ELAPOR1: variants seen among roughly 807,000 people sequenced by gnomAD.
The protein encoded by ELAPOR1 is endosome-lysosome associated apoptosis and autophagy regulator 1.
Under a neutral mutation model 119.7 loss-of-function variants are expected in ELAPOR1, and 77 were observed. The observed-to-expected ratio is 0.64, with a 90% CI of 0.54 to 0.78. ELAPOR1 has a LOEUF of 0.78. Ranked by LOEUF, ELAPOR1 falls within the 30% of genes least tolerant of loss-of-function variation. The pLI is 0.00. For synonymous variants in ELAPOR1, 481 were observed against 487.2 expected (o/e 0.99, Z 0.17); for missense variants, 1,115 against 1,270.4 (o/e 0.88, Z 1.86).
At chr1:109,151,684 AG>A (rs1422011653) in intron 1 of ELAPOR1, among the ~76,000 whole-genome samples, 1 of 152,196 alleles carries the variant, frequency 6.6e-6, no homozygotes, top group African/African-American at 2.4e-5. Context: ...CCTAACAGTC[AG>A]GGAACTTTTA....
intron 1 of ELAPOR1, among the ~76,000 whole-genome samples, chr1:109,155,352 G>GT (rs996673051): frequency 9.2e-5 from 14 of 151,838 alleles, no homozygotes; most frequent in Admixed American, 2.6e-4. Context: ...ATTTTTTTCT[G>GT]TTTTTTTAAT....
At chr1:109,115,893 A>C (rs1000673001) in intron 1 of ELAPOR1, among the ~76,000 whole-genome samples, 4 of 152,212 alleles carry the variant, frequency 2.6e-5, no homozygotes, top group African/African-American at 9.6e-5. Context: ...GTATGATCTT[A>C]TCAGTGACTG....
chr1:109,158,649 T>C (rs1651044786), intron 1 of ELAPOR1, among the ~76,000 whole-genome samples: 1 of 152,162 alleles, frequency 6.6e-6, no homozygotes, highest in Non-Finnish European at 1.5e-5. Context: ...GTGTGCGTCA[T>C]AGAATTGTGC....
rs200268470 is a variant in ELAPOR1 at position 109,199,856 on chromosome 1, C to T, written c.2504C>T (p.Thr835Met). Residue 835 changes from threonine (T) to methionine (M), a missense_variant and splice_region_variant, in exon 19 of 22, where the codon ACG (threonine) becomes ATG (methionine). By Grantham distance (81) the Thr-to-Met change is moderately conservative. Transcript: ENST00000369939. ...AGGTCTCTTTTCTGCTTTGCTAGAA[C>T]GTGCTCGGATGGGACCTGTGATGGC... is the stretch of plus-strand genomic sequence containing the variant. ...TVPGSLLLPG[T>M]CSDGTCDGCN... 1.7e-5 allele frequency: 28 copies of T among 1,611,530 alleles called. No individual in the cohort carries two copies. The African/African-American group carries it at 2.3e-4, about 13-fold the overall frequency.
chr1:109,116,324 C>T (rs1051662386), intron 1 of ELAPOR1, among the ~76,000 whole-genome samples: 2 of 152,266 alleles, frequency 1.3e-5, no homozygotes, highest in Admixed American at 6.5e-5. Flanking sequence ...CAAAATAACA[C>T]CTACCTCAGA....
intron 1 of ELAPOR1, among the ~76,000 whole-genome samples, chr1:109,117,013 C>T (rs1648057183): frequency 6.6e-6 from 1 of 151,994 alleles, no homozygotes; most frequent in Non-Finnish European, 1.5e-5. Flanking sequence ...TCTTAATCTT[C>T]ATACGAATTT....
rs149768534 is a variant in ELAPOR1, at chr1:109,136,684, G to T, written c.153+22348G>T. On this transcript the variant is annotated intron_variant, in intron 1 of 21. Transcript: ENST00000369939. ...TTGTGATTTAAAAAAATTAATTGTA[G>T]GTATAATTACTGCTAAATACCCTGA... 9.8e-3 allele frequency among the ~76,000 whole-genome samples: 1,486 copies of T among 152,156 alleles called. 13 individuals carry two copies. The highest frequency in any genetic ancestry group is 0.041 in the South Asian group (196 of 4,810).
At chr1:109,136,420 T>C (rs1649471936) in intron 1 of ELAPOR1, among the ~76,000 whole-genome samples, 1 of 152,220 alleles carries the variant, frequency 6.6e-6, no homozygotes, top group Admixed American at 6.5e-5. Flanking sequence ...AGATTCTCCC[T>C]TGTGGCTTCC....
At chr1:109,119,333 C>T (rs1268398423) in intron 1 of ELAPOR1, among the ~76,000 whole-genome samples, 1 of 151,654 alleles carries the variant, frequency 6.6e-6, no homozygotes, top group Admixed American at 6.6e-5. Flanking sequence ...TACAGGTGTG[C>T]ACCACCATGC....
In ELAPOR1 at chr1:109,189,213, G is replaced by T. The variant is rs773914694; in HGVS notation, c.1348+19G>T. On this transcript the variant is annotated intron_variant, in intron 10 of 21. Transcript: ENST00000369939. ...ATGACAGGTAATTGCCTCTCCCTGT[G>T]CCATGAGCTGTCAGCTCCCTGCACA... The T allele has an allele frequency of 6.2e-7, 1 of 1,610,610 alleles. No individual in the cohort carries two copies. The highest frequency in any genetic ancestry group is 8.5e-7 in the Non-Finnish European group (1 of 1,178,322).
At chr1:109,165,870 G>A (rs1292039251) in intron 3 of ELAPOR1, among the ~76,000 whole-genome samples, 1 of 150,768 alleles carries the variant, frequency 6.6e-6, no homozygotes, top group Non-Finnish European at 1.5e-5. Context: ...TCAGCCTCCT[G>A]AGTAGCTGGG....
chr1:109,174,320 G>C (rs1652108587), intron 7 of ELAPOR1, among the ~76,000 whole-genome samples: 1 of 139,526 alleles, frequency 7.2e-6, no homozygotes, highest in Non-Finnish European at 1.5e-5. Context: ...GGTCAAACCG[G>C]GAAGATCAAT....
chr1:109,162,789 T>C (rs984337880), intron 2 of ELAPOR1, among the ~76,000 whole-genome samples: 2 of 152,280 alleles, frequency 1.3e-5, no homozygotes, highest in Non-Finnish European at 2.9e-5. Flanking sequence ...TGCTGAGACC[T>C]GAGCAGAACT....
Position 109,197,984 on chromosome 1 carries a change from A to T in ELAPOR1, c.2308A>T (p.Thr770Ser). The change falls in exon 17 of 22, where the codon ACA becomes TCA. Residue 770 changes from threonine to serine, a missense_variant. Transcript: ENST00000369939. Reference sequence around the variant, plus strand: ...TAGGAGCTCTAATTTGGCAGGGGTGACAACAGATATGACTCTGGATGGAAT... The same window carrying T: ...TAGGAGCTCTAATTTGGCAGGGGTGTCAACAGATATGACTCTGGATGGAAT... ...VSLADRLIGV[T>S]TDMTLDGITS... 1 of 1,614,090 alleles carries T rather than the reference A, an allele frequency of 6.2e-7. No individual in the cohort carries two copies. Among genetic ancestry groups the T allele is most frequent in the Admixed American group, 1.7e-5 (1 of 60,022 alleles).
At chr1:109,201,466 G>A (rs1654171702) in intron 21 of ELAPOR1, 2 of 423,710 alleles carry the variant, frequency 4.7e-6, no homozygotes, top group Non-Finnish European at 9.6e-6. Flanking sequence ...GTCACTGGGT[G>A]TGGGGCCAGC....
At position 109,202,948 on chromosome 1, in the gene ELAPOR1, C is replaced by T. The variant is rs1178185156; in HGVS notation, c.2978C>T (p.Thr993Ile). 6 of 1,613,890 alleles carry T rather than the reference C, an allele frequency of 3.7e-6. No individual in the cohort carries two copies. In the South Asian group the frequency reaches 6.6e-5, roughly 18 times the overall value. Residue 993 changes from threonine to isoleucine, a missense_variant, in exon 22 of 22, where the codon ACT becomes ATT. Coordinates refer to ENST00000369939, the MANE Select transcript of ELAPOR1 (RefSeq NM_020775.5). ...CTGTCACCATCTCTCTTTCAGAGGACTCCTGATGGATTTGACTCAGTGCCG... is the reference window on the plus strand; with the variant it reads ...CTGTCACCATCTCTCTTTCAGAGGATTCCTGATGGATTTGACTCAGTGCCG... ...GKIKSFTSKR[T>I]PDGFDSVPLK...
At chr1:109,202,522 A>G (rs1244209412) in intron 21 of ELAPOR1, among the ~76,000 whole-genome samples, 1 of 151,638 alleles carries the variant, frequency 6.6e-6, no homozygotes, top group East Asian at 1.9e-4. Flanking sequence ...GCTTACTGCA[A>G]CCTCTGTTCC....
At position 109,202,730 on chromosome 1, in the gene ELAPOR1, A is replaced by G. The variant is rs181439057; in HGVS notation, c.2974-214A>G. 4.4e-4 allele frequency among the ~76,000 whole-genome samples: 67 copies of G among 152,232 alleles called. No homozygotes were observed. The East Asian group carries it at 7.6e-3, about 17-fold the overall frequency. On this transcript the variant is annotated intron_variant, in intron 21 of 21. Coordinates refer to ENST00000369939, the MANE Select transcript of ELAPOR1 (RefSeq NM_020775.5). ...GCTGGGATTACAGGCATGAGCCACC[A>G]CACCCCGCCTAAAAGAAAAAGATTT...
intron 1 of ELAPOR1, among the ~76,000 whole-genome samples, chr1:109,134,759 C>G (rs575784321): frequency 3.3e-5 from 5 of 152,104 alleles, no homozygotes; most frequent in Non-Finnish European, 5.9e-5. Context: ...CCAGTCTTAT[C>G]CTAGAGAGGA....
Sources: allele counts gnomAD v4.1 joint callset (sites outside exome capture counted in the v4.1 genomes callset), GRCh38; gene constraint gnomAD v4.1.1; transcripts MANE v1.5; gene names NCBI Gene and HGNC (gene_info 2026-07-23, HGNC 2026-07-21).